SSBP3: variants seen among roughly 807,000 people sequenced by gnomAD.
SSBP3 encodes the protein single stranded DNA binding protein 3, also known as single-stranded DNA-binding protein 3.
A neutral mutation model predicts 69.6 loss-of-function variants in SSBP3; 5 were observed. The ratio of observed to expected loss-of-function variants is 0.07; its 90% CI spans 0.04 to 0.15. The LOEUF (loss-of-function observed/expected upper bound fraction) is 0.15, where lower values mean the gene tolerates loss of function less well. Ranked by LOEUF, SSBP3 falls within the 10% of genes least tolerant of loss-of-function variation. SSBP3 has a pLI of 1.00. For missense variants in SSBP3, 312 were observed against 534.0 expected, an observed-to-expected ratio of 0.58 and a Z score of 4.10; for synonymous variants, 196 against 193.4, an observed-to-expected ratio of 1.01 and a Z score of -0.11.
At chr1:54,329,559 G>C (rs1357357772) in intron 4 of SSBP3, among the ~76,000 whole-genome samples, 4 of 152,228 alleles carry the variant, frequency 2.6e-5, no homozygotes. Flanking sequence ...TCTGCCACCT[G>C]CCTGTGCTTG....
intron 4 of SSBP3, among the ~76,000 whole-genome samples, chr1:54,298,696 CCACT>C (rs1417024075): frequency 6.6e-6 from 1 of 152,036 alleles, no homozygotes; most frequent in Non-Finnish European, 1.5e-5. Context: ...ACTTGTCTTG[CCACT>C]CACTCTCTCC....
At chr1:54,240,081 T>C (rs868661152) in intron 13 of SSBP3, among the ~76,000 whole-genome samples, 1,242 of 29,408 alleles carry the variant, frequency 0.042, 15 homozygotes, top group Middle Eastern at 0.1. Context: ...TGTGTGTGTG[T>C]GTGTGTGCGC....
intron 1 of SSBP3, 30 bp downstream of exon 1, chr1:54,405,923 C>G: frequency 8.0e-7 from 1 of 1,242,674 alleles, no homozygotes; most frequent in Non-Finnish European, 1.0e-6. Flanking sequence ...CCGGCGGCGG[C>G]GCGGCCGCCA....
At chr1:54,250,008 A>C (rs1284687244) in intron 9 of SSBP3, among the ~76,000 whole-genome samples, 1 of 152,186 alleles carries the variant, frequency 6.6e-6, no homozygotes, top group Non-Finnish European at 1.5e-5. Context: ...TACACCAATA[A>C]AATGTGACTG....
At chr1:54,238,572 G>A in intron 14 of SSBP3, 1 of 342,564 alleles carries the variant, frequency 2.9e-6, no homozygotes, top group Non-Finnish European at 6.0e-6. Flanking sequence ...AGGAAGTGGG[G>A]CAAGCAGTAA....
At chr1:54,268,043 T>C (rs1052749919) in intron 5 of SSBP3, among the ~76,000 whole-genome samples, 10 of 152,230 alleles carry the variant, frequency 6.6e-5, no homozygotes, top group Admixed American at 5.9e-4. Flanking sequence ...CCAGCCTTCT[T>C]TAATGCTGGC....
intron 4 of SSBP3, among the ~76,000 whole-genome samples, chr1:54,345,939 C>T (rs890274577): frequency 3.4e-5 from 5 of 149,196 alleles, no homozygotes; most frequent in Non-Finnish European, 4.4e-5. Context: ...GTCAGGAGTT[C>T]GAGACCAGCC....
chr1:54,233,310 C>T (rs1356831887), intron 14 of SSBP3, among the ~76,000 whole-genome samples: 4 of 149,578 alleles, frequency 2.7e-5, no homozygotes, highest in East Asian at 2.0e-4. Flanking sequence ...TGCCCGGCCG[C>T]GACCCCGTCT....
chr1:54,257,529 A>C (rs929588704), intron 6 of SSBP3, among the ~76,000 whole-genome samples: 2 of 152,192 alleles, frequency 1.3e-5, no homozygotes, highest in African/African-American at 4.8e-5. Context: ...AAAGGGTAAG[A>C]AGGACTGATA....
chr1:54,239,286 G>C (rs1340042605), intron 13 of SSBP3, 87 bp from the exon 14 acceptor site: 3 of 1,082,330 alleles, frequency 2.8e-6, no homozygotes, highest in Admixed American at 2.6e-5. Flanking sequence ...TCATTCTTTT[G>C]TATTTTATAA....
rs369963034 is a variant in SSBP3, at chr1:54,369,172, A to G, written c.276+32689T>C. On this transcript the variant is annotated intron_variant, in intron 4 of 17. Transcript: ENST00000610401. ...TGGTCCTTCCAAACTGCGACCGTTG[A>G]TTTTCTTTAAATCTGCATTGCACAT... Among the ~76,000 whole-genome samples, 81 of 143,578 alleles carry G rather than the reference A, an allele frequency of 5.6e-4. No individual in the cohort carries two copies. In the East Asian group the frequency reaches 0.013, roughly 23 times the overall value. 94.2% of individuals were successfully genotyped at this position (143,578 alleles called of 152,430 possible).
At position 54,369,622 on chromosome 1, in the gene SSBP3, A is replaced by G. The variant is rs144922678; in HGVS notation, c.276+32239T>C. ...GTCTGTTCTTGTGGTCTGGCTATAC[A>G]AGGGCAGATGCAAAATTCAAGGTTC... On this transcript the variant is annotated intron_variant, in intron 4 of 17. Transcript: ENST00000610401. 5.6e-4 allele frequency among the ~76,000 whole-genome samples: 85 copies of G among 152,276 alleles called. 2 individuals carry two copies. The East Asian group carries it at 8.1e-3, about 15-fold the overall frequency.
intron 4 of SSBP3, chr1:54,356,520 G>C (rs893546750): frequency 2.6e-5 from 4 of 152,248 alleles, no homozygotes; most frequent in Admixed American, 1.3e-4. Context: ...TTGTGCTACA[G>C]AACAGCGCGG....
At position 54,327,295 on chromosome 1, in the gene SSBP3, A is replaced by G. The variant is rs190370091; in HGVS notation, c.277-45768T>C. ...AAAACAACAACAAGAACAACAACAA[A>G]AAACCCCCCAAAAAAACAGGTAAGG... On this transcript the variant is annotated intron_variant, in intron 4 of 17. Coordinates refer to ENST00000610401, the Ensembl canonical transcript of SSBP3. Among the ~76,000 whole-genome samples, 397 of 151,372 alleles carry G rather than the reference A, an allele frequency of 2.6e-3. 4 individuals carry two copies. The highest frequency in any genetic ancestry group is 8.9e-3 in the African/African-American group (366 of 40,972).
At chr1:54,262,398 C>T (rs183082008) in intron 5 of SSBP3, among the ~76,000 whole-genome samples, 5 of 152,258 alleles carry the variant, frequency 3.3e-5, no homozygotes, top group Non-Finnish European at 5.9e-5. Context: ...GCAGCACCTC[C>T]GTGTCATCTG....
At chr1:54,335,260 C>T (rs1646489057) in intron 4 of SSBP3, among the ~76,000 whole-genome samples, 1 of 152,244 alleles carries the variant, frequency 6.6e-6, no homozygotes, top group Admixed American at 6.5e-5. Context: ...AAGGCCTCCG[C>T]TGCATTCCTC....
chr1:54,383,317 G>A (rs1570007578), intron 4 of SSBP3, among the ~76,000 whole-genome samples: 1 of 151,988 alleles, frequency 6.6e-6, no homozygotes, highest in East Asian at 1.9e-4. Context: ...GGCGGAGGTT[G>A]TAGTGAGCCA....
chr1:54,406,555 C>G (rs1649790149), upstream of SSBP3: 1 of 151,902 alleles, frequency 6.6e-6, no homozygotes, highest in Non-Finnish European at 1.5e-5. Context: ...GTCCCCGCTG[C>G]GGCCGCCTCC....
intron 4 of SSBP3, chr1:54,326,587 T>C (rs560908716): frequency 9.8e-5 from 15 of 152,330 alleles, no homozygotes; most frequent in African/African-American, 3.4e-4. Context: ...AAGGGCTCCA[T>C]AAATGTTTGT....
Sources: gnomAD v4.1 joint callset for allele counts (sites outside exome capture counted in the v4.1 genomes callset) on GRCh38, gnomAD v4.1.1 for gene constraint, MANE v1.5 for transcripts, NCBI Gene and HGNC (gene_info 2026-07-23, HGNC 2026-07-21) for gene names.